Variants in ASAH2 observed in about 807,000 individuals in gnomAD.
The protein encoded by ASAH2 is neutral ceramidase.
Under a neutral mutation model 82.9 loss-of-function variants are expected in ASAH2, and 58 were observed. The ratio of observed to expected loss-of-function variants is 0.70; its 90% confidence interval spans 0.57 to 0.87. The LOEUF is 0.87. Among genes scored for constraint, ASAH2 ranks in the 40% least tolerant of loss-of-function variants. The pLI, the probability that ASAH2 is intolerant of heterozygous loss-of-function variation, is 0.00. For missense variants in ASAH2, 779 were observed against 834.0 expected, an observed-to-expected ratio of 0.93 and a Z score of 0.81; for synonymous variants, 276 against 289.7, an observed-to-expected ratio of 0.95 and a Z score of 0.48.
chr10:50,230,927 G>A (rs923561965), intron 7 of ASAH2, among the ~76,000 whole-genome samples: 1 of 151,460 alleles, frequency 6.6e-6, no homozygotes, highest in Non-Finnish European at 1.5e-5. Flanking sequence ...TGTAGTCCCA[G>A]TTACTAAGGA....
intron 4 of ASAH2, among the ~76,000 whole-genome samples, chr10:50,236,321 T>C (rs1279883977): frequency 6.6e-6 from 1 of 152,116 alleles, no homozygotes; most frequent in Non-Finnish European, 1.5e-5. Flanking sequence ...TATGTCCTCC[T>C]TCACATGATG....
chr10:50,238,761 T>G (rs1354862617), intron 4 of ASAH2, among the ~76,000 whole-genome samples: 1 of 152,170 alleles, frequency 6.6e-6, no homozygotes. Context: ...ATTAAATGCA[T>G]TTCTTCATGT....
chr10:50,207,129 T>G (rs1454826564), intron 12 of ASAH2, among the ~76,000 whole-genome samples: 1 of 151,822 alleles, frequency 6.6e-6, no homozygotes, highest in Non-Finnish European at 1.5e-5. Flanking sequence ...TTATCATGAA[T>G]GAAAATGAAA....
chr10:50,223,540 G>A (rs1845800597), intron 7 of ASAH2, among the ~76,000 whole-genome samples: 1 of 152,140 alleles, frequency 6.6e-6, no homozygotes, highest in African/African-American at 2.4e-5. Flanking sequence ...ATAGAATACT[G>A]TGTATCCATT....
chr10:50,220,502 ATTTG>A (rs1399105184), intron 7 of ASAH2, among the ~76,000 whole-genome samples: 142,455 of 152,004 alleles, frequency 0.94, 67,451 homozygotes, highest in East Asian at 1. Context: ...TGGAGGCTCC[ATTTG>A]TTACTCTTAG....
chr10:50,249,494 A>G (rs1437652015), intron 1 of ASAH2, among the ~76,000 whole-genome samples: 4 of 152,134 alleles, frequency 2.6e-5, no homozygotes. Context: ...TTGAAATCTG[A>G]CTCCAGCAGT....
rs1463621787 is a variant in ASAH2 at position 50,243,308 on chromosome 10, G to A, written c.404C>T (p.Thr135Ile). The A allele has an allele frequency of 2.5e-6, 4 of 1,613,998 alleles. No individual in the cohort carries two copies. The highest frequency in any genetic ancestry group is 4.5e-5 in the East Asian group (2 of 44,898). The change falls in exon 4 of 21, where the codon ACC becomes ATC. Residue 135 changes from threonine (T) to isoleucine (I), a missense_variant. Physicochemically the swap from Thr to Ile is moderately conservative, Grantham distance 89. Transcript: ENST00000682911. ...GATGAAGGCACGACTGTATAGCCTG[G>A]TGAGGATGCCCTGTGCATTCTGGCC... ...KSGQNAQGIL[T>I]RLYSRAFIMA...
Position 50,186,183 on chromosome 10 carries a change from T to A in ASAH2, c.*1132A>T, listed in dbSNP as rs1258302434. On this transcript the variant is annotated 3_prime_UTR_variant, in exon 21 of 21. Coordinates refer to ENST00000682911, the MANE Select transcript of ASAH2 (RefSeq NM_019893.4). ...TATAACTTGAAGATTACTGATTTTT[T>A]AAATGCTTCCCCAGAATTTACATAT... 1.8e-4 allele frequency: 9 copies of A among 50,014 alleles called. 4 individuals carry two copies. Among genetic ancestry groups the A allele is most frequent in the Admixed American group, 1.2e-3 (9 of 7,208 alleles). 3.1% of individuals were successfully genotyped at this position (50,014 alleles called of 1,614,324 possible).
chr10:50,247,282 C>T (rs572632735), intron 2 of ASAH2, among the ~76,000 whole-genome samples: 26 of 151,918 alleles, frequency 1.7e-4, no homozygotes, highest in African/African-American at 4.3e-4. Flanking sequence ...CTCAGCCTCC[C>T]GAGTAGCTGG....
At chr10:50,229,120 G>A (rs924662493) in intron 7 of ASAH2, among the ~76,000 whole-genome samples, 1 of 151,952 alleles carries the variant, frequency 6.6e-6, no homozygotes, top group African/African-American at 2.4e-5. Context: ...AACCTGTTTT[G>A]CTTTCTCCCT....
chr10:50,235,983 C>T lies in ASAH2; in HGVS notation c.592G>A (p.Gly198Ser). The T allele has an allele frequency of 6.2e-7, 1 of 1,613,280 alleles. No homozygotes were observed. The highest frequency in any genetic ancestry group is 8.5e-7 in the Non-Finnish European group (1 of 1,179,394). ...GTATACTGGAAATATCCTGCAGGAC[C>T]TGAATGAGTGTGAGTGCCACTCAGG... is the stretch of plus-strand genomic sequence containing the variant. The part of the protein sequence containing the change: ...VILSGTHTHS[G>S]PAGYFQYTVF... Residue 198 changes from glycine to serine, a missense_variant, in exon 5 of 21, where the codon GGT becomes AGT. By Grantham distance (56) the Gly-to-Ser change is moderately conservative. This residue lies in a region of ASAH2 where 759 missense variants were observed against 755.2 expected (regional missense o/e 1.00). Transcript: ENST00000682911.
chr10:50,248,420 C>G, intron 2 of ASAH2, 64 bp downstream of exon 2: 4 of 1,578,950 alleles, frequency 2.5e-6, no homozygotes, highest in Non-Finnish European at 3.5e-6. Flanking sequence ...CTTTGGTGTC[C>G]ACAGTAATCA....
rs1844732002 is a variant in ASAH2 at position 50,185,792 on chromosome 10, TTA to T, written c.*1521_*1522del. On this transcript the variant is annotated 3_prime_UTR_variant, in exon 21 of 21. Coordinates refer to ENST00000682911, the MANE Select transcript of ASAH2 (RefSeq NM_019893.4). ...TTCAATAAATTATGTTGAGATTAAG[TTA>T]TACATAATAGATGTTAATACTACCA... The T allele has an allele frequency of 6.9e-6, 1 of 144,664 alleles. No homozygotes were observed. Among genetic ancestry groups the T allele is most frequent in the East Asian group, 2.1e-4 (1 of 4,860 alleles). The allele number at this position is 144,664 out of a possible 1,614,324, so 9.0% of individuals were successfully genotyped here.
At chr10:50,225,688 G>T (rs955862071) in intron 7 of ASAH2, among the ~76,000 whole-genome samples, 10 of 152,162 alleles carry the variant, frequency 6.6e-5, no homozygotes, top group Admixed American at 2.0e-4. Context: ...AGGGGTGTTG[G>T]GCAATTTATA....
chr10:50,234,791 G>A (rs1264794407), intron 5 of ASAH2, among the ~76,000 whole-genome samples: 5 of 152,030 alleles, frequency 3.3e-5, no homozygotes, highest in Non-Finnish European at 2.9e-5. Flanking sequence ...ACTGATTAAT[G>A]CCTGAGCTCA....
intron 16 of ASAH2, among the ~76,000 whole-genome samples, chr10:50,201,421 G>A (rs1336456816): frequency 6.6e-6 from 1 of 152,042 alleles, no homozygotes; most frequent in African/African-American, 2.4e-5. Flanking sequence ...CTGCTGCAGG[G>A]ACCACATGGA....
intron 4 of ASAH2, chr10:50,240,685 A>G (rs1182182997): frequency 4.4e-6 from 3 of 676,836 alleles, no homozygotes; most frequent in Non-Finnish European, 8.1e-6. Flanking sequence ...GAAAGAGTCT[A>G]CATCCCTCCT....
chr10:50,226,297 C>G (rs972694694), intron 7 of ASAH2, among the ~76,000 whole-genome samples: 1 of 152,008 alleles, frequency 6.6e-6, no homozygotes, highest in Non-Finnish European at 1.5e-5. Context: ...ATAGAGTTAA[C>G]AAACTGTAAA....
At chr10:50,229,150 A>G (rs1416104714) in intron 7 of ASAH2, among the ~76,000 whole-genome samples, 1 of 152,104 alleles carries the variant, frequency 6.6e-6, no homozygotes, top group Non-Finnish European at 1.5e-5. Flanking sequence ...CTTCACACAC[A>G]TAGTGTCTTA....
Sources: gnomAD v4.1 joint callset for allele counts (sites outside exome capture counted in the v4.1 genomes callset) on GRCh38, gnomAD v4.1.1 for gene constraint, gnomAD v4.1.1 regional missense constraint, MANE v1.5 for transcripts, NCBI Gene and HGNC (gene_info 2026-07-23, HGNC 2026-07-21) for gene names.